PRLR: variants seen among roughly 807,000 people sequenced by gnomAD.
PRLR encodes the protein prolactin receptor, also known as hPRL receptor.
Under a neutral mutation model 40.2 loss-of-function variants are expected in PRLR, and 13 were observed. The ratio of observed to expected loss-of-function variants is 0.32; its 90% CI spans 0.21 to 0.51. The LOEUF is 0.51. PRLR is among the 20% of genes least tolerant of loss of function. PRLR has a pLI of 0.97. For synonymous variants in PRLR, 269 were observed against 278.7 expected (o/e 0.97, Z 0.35); for missense variants, 656 against 747.3 (o/e 0.88, Z 1.42).
At chr5:35,130,796 G>T (rs776061995) in intron 1 of PRLR, among the ~76,000 whole-genome samples, 13 of 152,188 alleles carry the variant, frequency 8.5e-5, no homozygotes, top group Non-Finnish European at 1.8e-4. Context: ...AAGTAATAAT[G>T]GAGTGGGGTG....
intron 1 of PRLR, among the ~76,000 whole-genome samples, chr5:35,198,972 C>T (rs1389464204): frequency 6.6e-6 from 1 of 152,224 alleles, no homozygotes; most frequent in African/African-American, 2.4e-5. Context: ...GCATGATTAA[C>T]AACAGCCAAG....
chr5:35,186,703 C>T (rs1051898133), intron 1 of PRLR, among the ~76,000 whole-genome samples: 3 of 152,142 alleles, frequency 2.0e-5, no homozygotes, highest in African/African-American at 7.2e-5. Context: ...GCAGCTACCA[C>T]CCCATCTGAG....
At chr5:35,197,128 C>T (rs1031393736) in intron 1 of PRLR, among the ~76,000 whole-genome samples, 1 of 152,126 alleles carries the variant, frequency 6.6e-6, no homozygotes. Context: ...CTGTCCCCAA[C>T]TTTTTTATTT....
At chr5:35,125,745 G>C (rs943102676) in intron 1 of PRLR, among the ~76,000 whole-genome samples, 2 of 152,200 alleles carry the variant, frequency 1.3e-5, no homozygotes, top group African/African-American at 4.8e-5. Flanking sequence ...CCTGGTCTTA[G>C]TATCCAGGGC....
intron 1 of PRLR, among the ~76,000 whole-genome samples, chr5:35,164,393 T>C (rs1774762558): frequency 6.6e-6 from 1 of 152,144 alleles, no homozygotes; most frequent in African/African-American, 2.4e-5. Context: ...GATCTCTGAA[T>C]ATGAACCATG....
intron 1 of PRLR, among the ~76,000 whole-genome samples, chr5:35,214,576 C>T (rs1281306037): frequency 6.6e-6 from 1 of 152,152 alleles, no homozygotes. Flanking sequence ...GCCTGAGGTT[C>T]AAGAGAAGTA....
chr5:35,107,756 T>A (rs1002863860), intron 2 of PRLR, among the ~76,000 whole-genome samples: 16 of 151,952 alleles, frequency 1.1e-4, no homozygotes, highest in Non-Finnish European at 1.5e-5. Flanking sequence ...GCAAAAAAAG[T>A]CCAGGAGCAG....
At chr5:35,173,467 G>A (rs62355513) in intron 1 of PRLR, among the ~76,000 whole-genome samples, 19,931 of 152,126 alleles carry the variant, frequency 0.13, 1,517 homozygotes, top group African/African-American at 0.2. Context: ...TCAGGACCCC[G>A]CACAGCTCAG....
At chr5:35,226,939 G>A (rs1470570580) in intron 1 of PRLR, among the ~76,000 whole-genome samples, 1 of 152,218 alleles carries the variant, frequency 6.6e-6, no homozygotes, top group Non-Finnish European at 1.5e-5. Context: ...TCGAATAAAT[G>A]AATGAAAACG....
At chr5:35,118,683 T>C (rs988467849) in intron 1 of PRLR, among the ~76,000 whole-genome samples, 1 of 152,146 alleles carries the variant, frequency 6.6e-6, no homozygotes, top group Non-Finnish European at 1.5e-5. Flanking sequence ...AATTCTGACA[T>C]AGTTATAGAT....
intron 5 of PRLR, among the ~76,000 whole-genome samples, chr5:35,078,563 T>C (rs1486569421): frequency 6.6e-6 from 1 of 151,486 alleles, no homozygotes; most frequent in African/African-American, 2.4e-5. Context: ...CAATAATTAA[T>C]AGCCTACCAA....
At chr5:35,082,958 T>C (rs1770610375) in intron 5 of PRLR, among the ~76,000 whole-genome samples, 1 of 152,168 alleles carries the variant, frequency 6.6e-6, no homozygotes, top group African/African-American at 2.4e-5. Context: ...TTTTCTTTAG[T>C]GAGTCCCTTT....
At chr5:35,053,557 G>A (rs1042488624), downstream of PRLR, among the ~76,000 whole-genome samples, 3 of 152,172 alleles carry the variant, frequency 2.0e-5, no homozygotes, top group Admixed American at 6.6e-5. Flanking sequence ...GGAGGCTGAG[G>A]CAGGAGAATC....
At chr5:35,210,779 G>C (rs7706014) in intron 1 of PRLR, among the ~76,000 whole-genome samples, 11,587 of 152,118 alleles carry the variant, frequency 0.076, 591 homozygotes, top group Non-Finnish European at 0.11. Flanking sequence ...GCGTGATTAT[G>C]ACTCACTGCA....
At chr5:35,095,892 G>T (rs61331532) in intron 2 of PRLR, among the ~76,000 whole-genome samples, 156 of 152,310 alleles carry the variant, frequency 1.0e-3, no homozygotes, top group African/African-American at 3.4e-3. Flanking sequence ...TTTAGAGGCT[G>T]CTGTAAAGTG....
intron 1 of PRLR, among the ~76,000 whole-genome samples, chr5:35,190,247 A>G (rs533015823): frequency 6.6e-6 from 1 of 152,170 alleles, no homozygotes; most frequent in Non-Finnish European, 1.5e-5. Flanking sequence ...TTCTTCCCCA[A>G]TGCCCCACAG....
chr5:35,126,044 C>G (rs1304675019), intron 1 of PRLR, among the ~76,000 whole-genome samples: 1 of 152,130 alleles, frequency 6.6e-6, no homozygotes, highest in Non-Finnish European at 1.5e-5. Context: ...CCAAAGCTGC[C>G]TTCTTCAGGG....
chr5:35,051,689 T>C (rs567666797), downstream of PRLR, among the ~76,000 whole-genome samples: 1 of 152,256 alleles, frequency 6.6e-6, no homozygotes, highest in South Asian at 2.1e-4. Flanking sequence ...ATAATTCAAA[T>C]TGCAAAAGAA....
chr5:35,189,447 G>GGTGCA (rs1775539281), intron 1 of PRLR, among the ~76,000 whole-genome samples: 1 of 152,144 alleles, frequency 6.6e-6, no homozygotes, highest in Non-Finnish European at 1.5e-5. Context: ...CAGGCGCCAT[G>GGTGCA]GTGCATGCCT....
Sources: gnomAD v4.1 joint callset for allele counts (sites outside exome capture counted in the v4.1 genomes callset) on GRCh38, gnomAD v4.1.1 for gene constraint, MANE v1.5 for transcripts, NCBI Gene and HGNC (gene_info 2026-07-23, HGNC 2026-07-21) for gene names.